The following MYT1L variants were observed in gnomAD, a reference collection of about 807,000 sequenced individuals.
The protein encoded by MYT1L is myelin transcription factor 1-like protein.
MYT1L carries 12 observed loss-of-function variants against 126.7 expected under a neutral mutation model. The ratio of observed to expected loss-of-function variants is 0.09; its 90% confidence interval spans 0.06 to 0.15. MYT1L has a LOEUF of 0.15. Among genes scored for constraint, MYT1L ranks in the 10% least tolerant of loss-of-function variants. The pLI, the probability that MYT1L is intolerant of heterozygous loss-of-function variation, is 1.00. For synonymous variants in MYT1L, 541 were observed against 604.2 expected (o/e 0.90, Z 1.53); for missense variants, 979 against 1,585.2 (o/e 0.62, Z 6.49).
At chr2:1,807,344 A>T (rs1318610428) in intron 22 of MYT1L, among the ~76,000 whole-genome samples, 1 of 151,078 alleles carries the variant, frequency 6.6e-6, no homozygotes, top group East Asian at 1.9e-4. Context: ...ATGAGAGGAG[A>T]CCCCCGTGGC....
intron 3 of MYT1L, among the ~76,000 whole-genome samples, chr2:2,120,791 C>T (rs2080882031): frequency 2.0e-5 from 3 of 152,170 alleles, no homozygotes; most frequent in Admixed American, 2.0e-4. Context: ...GCGCATTGCA[C>T]ACACGTGTGT....
chr2:2,163,216 C>G (rs2088329477), intron 3 of MYT1L, among the ~76,000 whole-genome samples: 1 of 152,096 alleles, frequency 6.6e-6, no homozygotes, highest in South Asian at 2.1e-4. Flanking sequence ...GTTTTTCTTT[C>G]TACATGGGGC....
At chr2:2,230,416 G>A (rs2094133326) in intron 2 of MYT1L, among the ~76,000 whole-genome samples, 2 of 152,226 alleles carry the variant, frequency 1.3e-5, no homozygotes, top group East Asian at 3.9e-4. Flanking sequence ...TGTGACGCCT[G>A]TTCCCTGTGA....
At chr2:2,192,548 C>T (rs567408457) in intron 2 of MYT1L, among the ~76,000 whole-genome samples, 1 of 152,188 alleles carries the variant, frequency 6.6e-6, no homozygotes, top group East Asian at 1.9e-4. Context: ...TCTGTTGGTC[C>T]TGGCAGTGGG....
intron 5 of MYT1L, among the ~76,000 whole-genome samples, chr2:1,994,737 A>C (rs1195862216): frequency 6.6e-6 from 1 of 152,214 alleles, no homozygotes; most frequent in African/African-American, 2.4e-5. Context: ...TCCCTAATTC[A>C]GATTTTAGTA....
At position 1,917,064 on chromosome 2, in the gene MYT1L, T is replaced by C; in HGVS notation, c.1618+141A>G. Reference sequence around the variant, plus strand: ...GCATGCCCACGAATCCTGGATCAGTTGCCCATCAAGTTAAGTAGGGGCCTA... The same window carrying C: ...GCATGCCCACGAATCCTGGATCAGTCGCCCATCAAGTTAAGTAGGGGCCTA... On this transcript the variant is annotated intron_variant, in intron 11 of 24. Coordinates refer to ENST00000647738, the MANE Select transcript of MYT1L (RefSeq NM_001303052.2). This position sits in a 1 kb window ranked among gnomAD's most constrained non-coding sequence, Gnocchi z 5.9. 1 of 1,095,258 alleles carries C rather than the reference T, an allele frequency of 9.1e-7. No individual in the cohort carries two copies. The highest frequency in any genetic ancestry group is 1.3e-6 in the Non-Finnish European group (1 of 770,792). The allele number at this position is 1,095,258 out of a possible 1,614,324, so 67.8% of individuals were successfully genotyped here. A position where few individuals can be genotyped will look rare whatever the true frequency, so the allele number is the denominator to read the frequency against.
rs2077393856 is a variant in MYT1L, at chr2:2,095,789, T to C, written c.-303-41666A>G. Reference sequence around the variant, plus strand: ...TCTCCTCATCGCCCCGGGCACCCCCTGACCGCTCACACTCAGCACTTTACT... The same window carrying C: ...TCTCCTCATCGCCCCGGGCACCCCCCGACCGCTCACACTCAGCACTTTACT... On this transcript the variant is annotated intron_variant, in intron 3 of 24. Coordinates refer to ENST00000647738, the MANE Select transcript of MYT1L (RefSeq NM_001303052.2). 2.6e-5 allele frequency among the ~76,000 whole-genome samples: 4 copies of C among 152,114 alleles called. No individual in the cohort carries two copies. The South Asian group carries it at 8.3e-4, about 32-fold the overall frequency.
intron 2 of MYT1L, among the ~76,000 whole-genome samples, chr2:2,200,299 A>T (rs1054039502): frequency 2.0e-5 from 3 of 152,198 alleles, no homozygotes; most frequent in African/African-American, 4.8e-5. Context: ...TGAAAATGGC[A>T]CACAATTACT....
chr2:2,045,463 T>C (rs2068064044), intron 4 of MYT1L, among the ~76,000 whole-genome samples: 1 of 152,228 alleles, frequency 6.6e-6, no homozygotes, highest in Non-Finnish European at 1.5e-5. Context: ...GAATAATTCA[T>C]AGAGCATCAT....
chr2:2,160,835 A>C (rs1267012176), intron 3 of MYT1L, among the ~76,000 whole-genome samples: 3 of 152,204 alleles, frequency 2.0e-5, no homozygotes, highest in African/African-American at 7.2e-5. Context: ...AGGGAGGAGA[A>C]GGAAGGAAAG....
chr2:2,132,528 AACACATGG>A (rs1437350727), intron 3 of MYT1L, among the ~76,000 whole-genome samples: 7 of 151,034 alleles, frequency 4.6e-5, no homozygotes, highest in African/African-American at 1.7e-4. Flanking sequence ...GAACAATGAG[AACACATGG>A]ACACAGAGAG....
intron 1 of MYT1L, among the ~76,000 whole-genome samples, chr2:2,322,256 C>A (rs2096180328): frequency 6.6e-6 from 1 of 151,666 alleles, no homozygotes; most frequent in Non-Finnish European, 1.5e-5. Context: ...ACAGCAGACG[C>A]CCCACACTGT....
chr2:2,074,436 G>C lies in MYT1L; in HGVS notation c.-303-20313C>G, dbSNP rs181792431. ...ATGTGCTCATACCTTTACCAAAGAA[G>C]TGCATTACAAAAGGAGTGGTAAGTA... On this transcript the variant is annotated intron_variant, in intron 3 of 24. Transcript: ENST00000647738. 4.3e-4 allele frequency among the ~76,000 whole-genome samples: 66 copies of C among 152,276 alleles called. 1 individual carries two copies. The East Asian group carries it at 0.013, about 29-fold the overall frequency.
At chr2:1,958,479 G>T (rs1461384716) in intron 8 of MYT1L, among the ~76,000 whole-genome samples, 5 of 152,226 alleles carry the variant, frequency 3.3e-5, no homozygotes, top group Non-Finnish European at 7.3e-5. Flanking sequence ...ACAGGTGTTA[G>T]GTGACTCATT....
chr2:2,247,399 C>A (rs1003638524), intron 2 of MYT1L, among the ~76,000 whole-genome samples: 3 of 152,048 alleles, frequency 2.0e-5, no homozygotes. Context: ...ATTATTAGAG[C>A]GAAAGAGACA....
At chr2:2,250,358 T>A (rs1196889501) in intron 2 of MYT1L, among the ~76,000 whole-genome samples, 1 of 152,200 alleles carries the variant, frequency 6.6e-6, no homozygotes, top group Non-Finnish European at 1.5e-5. Flanking sequence ...TTCTGCCATT[T>A]GCACCAAAAT....
intron 21 of MYT1L, chr2:1,827,391 T>C (rs945709859): frequency 2.6e-5 from 4 of 152,162 alleles, no homozygotes; most frequent in Non-Finnish European, 5.9e-5. Context: ...GAAACATGCC[T>C]GGGTCAAACA....
chr2:2,206,656 A>G (rs2093333463), intron 2 of MYT1L, among the ~76,000 whole-genome samples: 1 of 152,246 alleles, frequency 6.6e-6, no homozygotes, highest in Non-Finnish European at 1.5e-5. Context: ...CTGTCCTTTA[A>G]TACAGACAAA....
At chr2:2,108,154 C>T (rs533276454) in intron 3 of MYT1L, among the ~76,000 whole-genome samples, 31 of 152,288 alleles carry the variant, frequency 2.0e-4, no homozygotes, top group Non-Finnish European at 4.0e-4. Context: ...GCTGTGAACG[C>T]CTCACCTGAG....
Sources: gnomAD v4.1 joint callset for allele counts (sites outside exome capture counted in the v4.1 genomes callset) on GRCh38, gnomAD v4.1.1 for gene constraint, Gnocchi (gnomAD v3.1) non-coding constraint, MANE v1.5 for transcripts, NCBI Gene and HGNC (gene_info 2026-07-23, HGNC 2026-07-21) for gene names.